Variants in SLC16A1 observed in about 807,000 individuals in gnomAD.
The protein encoded by SLC16A1 is monocarboxylate transporter 1.
A neutral mutation model predicts 32.2 loss-of-function variants in SLC16A1; 11 were observed. The ratio of observed to expected loss-of-function variants is 0.34; its 90% CI spans 0.21 to 0.56. The LOEUF (loss-of-function observed/expected upper bound fraction) is 0.56. Among genes scored for constraint, SLC16A1 ranks in the 20% least tolerant of loss-of-function variants. The pLI is 0.87. For missense variants in SLC16A1, 435 were observed against 615.0 expected (o/e 0.71, Z 3.10); for synonymous variants, 231 against 226.8 (o/e 1.02, Z -0.17).
chr1:112,935,356 C>T (rs1649264712), intron 1 of SLC16A1, among the ~76,000 whole-genome samples: 1 of 152,052 alleles, frequency 6.6e-6, no homozygotes, highest in South Asian at 2.1e-4. Flanking sequence ...TTGCAGTGAG[C>T]TGAGATTGCA....
intron 1 of SLC16A1, among the ~76,000 whole-genome samples, chr1:112,940,629 GAT>G (rs1193095146): frequency 1.3e-5 from 2 of 151,886 alleles, no homozygotes; most frequent in African/African-American, 2.4e-5. Flanking sequence ...GAAAAAAGCT[GAT>G]ATATATGTAT....
intron 1 of SLC16A1, among the ~76,000 whole-genome samples, chr1:112,942,221 C>G (rs1160403175): frequency 1.3e-5 from 2 of 152,214 alleles, no homozygotes; most frequent in African/African-American, 4.8e-5. Context: ...ATCAGCCTAC[C>G]TCAGCCTCCC....
At chr1:112,932,454 G>A (rs547602376) in intron 1 of SLC16A1, among the ~76,000 whole-genome samples, 254 of 151,936 alleles carry the variant, frequency 1.7e-3, no homozygotes, top group Middle Eastern at 0.014. Flanking sequence ...GATCACTTGA[G>A]CCCAGGAATT....
At chr1:112,926,679 G>A (rs928151451) in intron 2 of SLC16A1, among the ~76,000 whole-genome samples, 2 of 152,072 alleles carry the variant, frequency 1.3e-5, no homozygotes, top group African/African-American at 2.4e-5. Flanking sequence ...TTCAAGACCA[G>A]CCTTGGCAAC....
intron 1 of SLC16A1, among the ~76,000 whole-genome samples, chr1:112,952,572 A>G (rs530458739): frequency 6.6e-6 from 1 of 152,196 alleles, no homozygotes; most frequent in Non-Finnish European, 1.5e-5. Flanking sequence ...GACTTTCTCG[A>G]GAGTTATCTT....
chr1:112,952,975 TCTCCACCAAATC>T (rs552298128), intron 1 of SLC16A1, among the ~76,000 whole-genome samples: 17 of 152,186 alleles, frequency 1.1e-4, no homozygotes, highest in South Asian at 6.2e-4. Context: ...CCACATCTGG[TCTCCACCAAATC>T]CTCCACCAAA....
intron 1 of SLC16A1, among the ~76,000 whole-genome samples, chr1:112,954,349 GAC>G (rs1298021065): frequency 6.6e-6 from 1 of 152,086 alleles, no homozygotes; most frequent in Non-Finnish European, 1.5e-5. Flanking sequence ...TGAGTCCAAA[GAC>G]ACACATAGTT....
In SLC16A1 at chr1:112,914,274, A is replaced by G. The variant is rs1648427621; in HGVS notation, c.1229-109T>C. ...AGAAAGATGTCAATCCAATCTTTAA[A>G]GAGTCCCAAAATGATGAATTAGTAT... is the stretch of plus-strand genomic sequence containing the variant. On this transcript the variant is annotated intron_variant, in intron 4 of 4. Transcript: ENST00000369626. The G allele has an allele frequency of 1.1e-5, 13 of 1,178,150 alleles. No individual in the cohort carries two copies. In the South Asian group the frequency reaches 1.4e-4, roughly 13 times the overall value. The allele number at this position is 1,178,150 out of a possible 1,614,324, so 73.0% of individuals were successfully genotyped here.
At position 112,920,948 on chromosome 1, in the gene SLC16A1, T is replaced by G. The variant is rs1416405332; in HGVS notation, c.361+1042A>C. ...AGGTCAGGAGATCGACTATACTGAC[T>G]AATGCGATGAAACCCCGTCTCTACT... On this transcript the variant is annotated intron_variant, in intron 3 of 4. Transcript: ENST00000369626. Among the ~76,000 whole-genome samples the G allele has an allele frequency of 2.0e-5, 3 of 151,756 alleles. No homozygotes were observed. The East Asian group carries it at 5.8e-4, about 29-fold the overall frequency.
At chr1:112,952,502 T>A (rs1570650258) in intron 1 of SLC16A1, among the ~76,000 whole-genome samples, 1 of 152,212 alleles carries the variant, frequency 6.6e-6, no homozygotes, top group East Asian at 1.9e-4. Context: ...AATATTTGAA[T>A]ACTGACTGGA....
In SLC16A1 at chr1:112,927,435, G is replaced by A. The variant is rs878867689; in HGVS notation, c.217+1657C>T. Among the ~76,000 whole-genome samples the A allele has an allele frequency of 3.3e-5, 5 of 152,156 alleles. 1 individual carries two copies. The South Asian group carries it at 8.3e-4, about 25-fold the overall frequency. ...AACAAAACCAACCATATCTCAAGAC[G>A]TATTAGTGTTCAGATTGTGGTCCAA... On this transcript the variant is annotated intron_variant, in intron 2 of 4. Coordinates refer to ENST00000369626, the MANE Select transcript of SLC16A1 (RefSeq NM_003051.4).
chr1:112,929,462 C>T (rs2101633812), intron 1 of SLC16A1, 110 bp from the exon 2 acceptor site: 1 of 689,290 alleles, frequency 1.5e-6, no homozygotes, highest in South Asian at 1.7e-5. Flanking sequence ...ATTAGTAATC[C>T]CAGCTACTTG....
At chr1:112,939,119 C>A (rs56161739) in intron 1 of SLC16A1, among the ~76,000 whole-genome samples, 7,443 of 151,938 alleles carry the variant, frequency 0.049, 611 homozygotes, top group African/African-American at 0.17. Flanking sequence ...TCTCGAACTC[C>A]TGACCTCGTG....
chr1:112,948,598 G>A (rs1649783224), intron 1 of SLC16A1, among the ~76,000 whole-genome samples: 1 of 151,810 alleles, frequency 6.6e-6, no homozygotes, highest in Non-Finnish European at 1.5e-5. Flanking sequence ...CCGTCTCCCG[G>A]GTTCAAGCAG....
chr1:112,914,201 AG>A, intron 4 of SLC16A1, 36 bp from the exon 5 acceptor site: 3 of 1,613,226 alleles, frequency 1.9e-6, no homozygotes, highest in East Asian at 4.5e-5. Flanking sequence ...GTTGTTTCTA[AG>A]AGTAAACAGT....
intron 1 of SLC16A1, among the ~76,000 whole-genome samples, chr1:112,938,877 C>CTT (rs553027289): frequency 1.2e-4 from 17 of 140,320 alleles, no homozygotes; most frequent in African/African-American, 3.9e-4. Context: ...GAAAGCATTT[C>CTT]TTTTTTTTTT....
intron 1 of SLC16A1, among the ~76,000 whole-genome samples, chr1:112,947,962 T>C (rs896753783): frequency 1.3e-5 from 2 of 152,210 alleles, no homozygotes; most frequent in Non-Finnish European, 2.9e-5. Context: ...CTCACGCTTG[T>C]AATCCCAGCA....
chr1:112,928,771 C>A (rs1649023307), intron 2 of SLC16A1, among the ~76,000 whole-genome samples: 1 of 152,158 alleles, frequency 6.6e-6, no homozygotes, highest in East Asian at 1.9e-4. Context: ...TTTCAAGAGT[C>A]CAGCAGAGAT....
At chr1:112,927,867 TCAACTTAAGAAGA>T (rs1027171826) in intron 2 of SLC16A1, among the ~76,000 whole-genome samples, 23 of 152,280 alleles carry the variant, frequency 1.5e-4, no homozygotes, top group African/African-American at 5.3e-4. Context: ...TGGTTTGTAG[TCAACTTAAGAAGA>T]CACTGAACAC....
Sources: allele counts gnomAD v4.1 joint callset (sites outside exome capture counted in the v4.1 genomes callset), GRCh38; gene constraint gnomAD v4.1.1; transcripts MANE v1.5; gene names NCBI Gene and HGNC (gene_info 2026-07-23, HGNC 2026-07-21).